BARD1: variants seen among roughly 807,000 people sequenced by gnomAD.
The protein encoded by BARD1 is BRCA1 associated RING domain 1, also known as BRCA1-associated RING domain protein 1.
A neutral mutation model predicts 77.0 loss-of-function variants in BARD1; 73 were observed. That is an observed-to-expected ratio of 0.95 (90% CI 0.79 to 1.15). The LOEUF is 1.15. Among genes scored for constraint, BARD1 ranks in the 50% most tolerant of loss-of-function variants. The pLI is 0.00. For synonymous variants in BARD1, 384 were observed against 338.0 expected (o/e 1.14, Z -1.49); for missense variants, 993 against 938.8 (o/e 1.06, Z -0.75).
chr2:214,764,683 G>T (rs1054679021), intron 6 of BARD1, among the ~76,000 whole-genome samples: 6 of 152,130 alleles, frequency 3.9e-5, no homozygotes, highest in African/African-American at 1.4e-4. Context: ...AGCCACGGAA[G>T]GATTTTAAGC....
intron 7 of BARD1, among the ~76,000 whole-genome samples, chr2:214,746,144 C>T (rs557154910): frequency 1.3e-5 from 2 of 152,122 alleles, no homozygotes; most frequent in Non-Finnish European, 2.9e-5. Context: ...ACCAGTAAGT[C>T]TTTTTCTTTT....
chr2:214,792,238 A>ACTTTATG, intron 3 of BARD1, 59 bp downstream of exon 3: 1 of 1,476,414 alleles, frequency 6.8e-7, no homozygotes, highest in South Asian at 1.2e-5. Flanking sequence ...CTTTATGAAT[A>ACTTTATG]TGAATTCATC....
At chr2:214,737,877 AAC>A (rs367850623) in intron 9 of BARD1, among the ~76,000 whole-genome samples, 2 of 152,176 alleles carry the variant, frequency 1.3e-5, no homozygotes, top group Non-Finnish European at 2.9e-5. Context: ...ATTTGTAATA[AAC>A]AGTTAATAAA....
At chr2:214,800,031 G>A (rs1695944030) in intron 1 of BARD1, among the ~76,000 whole-genome samples, 1 of 152,140 alleles carries the variant, frequency 6.6e-6, no homozygotes, top group South Asian at 2.1e-4. Context: ...TCTCCATGTA[G>A]GCATACCCCC....
chr2:214,774,185 C>T (rs966706690), intron 4 of BARD1, among the ~76,000 whole-genome samples: 2 of 152,168 alleles, frequency 1.3e-5, no homozygotes, highest in African/African-American at 2.4e-5. Context: ...AAGTTCTGAA[C>T]CTCTCAAAGT....
intron 8 of BARD1, among the ~76,000 whole-genome samples, chr2:214,745,453 T>C (rs906785568): frequency 1.3e-5 from 2 of 152,246 alleles, no homozygotes; most frequent in South Asian, 4.1e-4. Context: ...AACAATTTAT[T>C]TGTCACTAGC....
intron 4 of BARD1, among the ~76,000 whole-genome samples, chr2:214,776,026 G>A (rs1273769753): frequency 6.6e-6 from 1 of 152,158 alleles, no homozygotes; most frequent in Non-Finnish European, 1.5e-5. Context: ...CTCTCCAGGG[G>A]ATCTTCATCA....
At position 214,781,268 on chromosome 2, in the gene BARD1, A is replaced by C. The variant is rs762810549; in HGVS notation, c.606T>G (p.Ser202=). ...AAGTTTTCTTTTTTTGCTTTTTTCC[A>C]GATCTTGCAGAAGCCTTTTTAGCCC... ...SERAKKASAR[S]GKKQKKKTLA... is the part of the protein sequence containing the mutation. Residue 202 remains serine (S), a synonymous_variant, in exon 4 of 11, where the codon TCT becomes TCG. Coordinates refer to ENST00000260947, the MANE Select transcript of BARD1 (RefSeq NM_000465.4). The C allele has an allele frequency of 3.1e-6, 5 of 1,595,392 alleles. No homozygotes were observed. The South Asian group carries it at 5.8e-5, about 19-fold the overall frequency.
At chr2:214,807,624 C>G (rs1696333372) in intron 1 of BARD1, among the ~76,000 whole-genome samples, 1 of 152,066 alleles carries the variant, frequency 6.6e-6, no homozygotes, top group Non-Finnish European at 1.5e-5. Flanking sequence ...CTAACAAATC[C>G]CCAATACCCA....
At chr2:214,731,807 G>A (rs1200968095) in intron 9 of BARD1, among the ~76,000 whole-genome samples, 1 of 152,170 alleles carries the variant, frequency 6.6e-6, no homozygotes, top group Non-Finnish European at 1.5e-5. Context: ...GAGTTTAATA[G>A]CAGAGGGTAT....
chr2:214,731,134 C>CA, intron 9 of BARD1: 3 of 141,598 alleles, frequency 2.1e-5, no homozygotes, highest in African/African-American at 3.4e-5. Context: ...TTGGGCTTTG[C>CA]AGGAAAAAAA....
At chr2:214,805,748 T>C (rs2106162226) in intron 1 of BARD1, among the ~76,000 whole-genome samples, 1 of 151,556 alleles carries the variant, frequency 6.6e-6, no homozygotes, top group Non-Finnish European at 1.5e-5. Context: ...AGCTTGATCA[T>C]CTCCTAAACA....
chr2:214,756,447 C>T (rs1043780906), intron 6 of BARD1, among the ~76,000 whole-genome samples: 1 of 152,152 alleles, frequency 6.6e-6, no homozygotes, highest in Non-Finnish European at 1.5e-5. Context: ...AAAAGTAGAG[C>T]TACCATTTGA....
chr2:214,736,329 A>C (rs1350160376), intron 9 of BARD1, among the ~76,000 whole-genome samples: 1 of 152,140 alleles, frequency 6.6e-6, no homozygotes, highest in Non-Finnish European at 1.5e-5. Flanking sequence ...ATCCAGTGAA[A>C]TGGTTAACTC....
intron 10 of BARD1, among the ~76,000 whole-genome samples, chr2:214,729,858 C>T (rs1053498717): frequency 3.3e-5 from 5 of 152,122 alleles, no homozygotes; most frequent in East Asian, 3.9e-4. Flanking sequence ...AGGGCAGCCA[C>T]CATGGGGGTG....
At chr2:214,785,501 A>G (rs957420619) in intron 3 of BARD1, among the ~76,000 whole-genome samples, 1 of 152,090 alleles carries the variant, frequency 6.6e-6, no homozygotes, top group African/African-American at 2.4e-5. Flanking sequence ...AAATTATTTG[A>G]TATCTCTTAA....
intron 4 of BARD1, among the ~76,000 whole-genome samples, chr2:214,771,914 CCA>C (rs568661610): frequency 6.0e-4 from 78 of 130,096 alleles, no homozygotes; most frequent in African/African-American, 2.6e-3. Flanking sequence ...ATTAATTACC[CCA>C]GTTTCAGGAA....
intron 9 of BARD1, among the ~76,000 whole-genome samples, chr2:214,737,709 T>C (rs1052641917): frequency 2.6e-5 from 4 of 152,188 alleles, no homozygotes; most frequent in African/African-American, 4.8e-5. Flanking sequence ...ACTGGAAGAA[T>C]CTACCAGCCA....
chr2:214,748,794 A>G (rs771163243), intron 7 of BARD1, among the ~76,000 whole-genome samples: 3 of 151,986 alleles, frequency 2.0e-5, no homozygotes, highest in Non-Finnish European at 4.4e-5. Context: ...GTTCCCAATG[A>G]CGCTACCAAG....
Sources: gnomAD v4.1 joint callset for allele counts (sites outside exome capture counted in the v4.1 genomes callset) on GRCh38, gnomAD v4.1.1 for gene constraint, MANE v1.5 for transcripts, NCBI Gene and HGNC (gene_info 2026-07-23, HGNC 2026-07-21) for gene names.